PRPS2: variants seen among roughly 807,000 people sequenced by gnomAD.
PRPS2 encodes ribose-phosphate pyrophosphokinase 2.
For missense variants in PRPS2, 104 were observed against 271.5 expected (o/e 0.38, Z 4.34); for synonymous variants, 111 against 115.3 (o/e 0.96, Z 0.24).
chrX:12,802,944 A>G (rs1215682880), intron 2 of PRPS2, among the ~76,000 whole-genome samples: 1 of 112,144 alleles, frequency 8.9e-6, no homozygotes. Context: ...CAGTGTGTGT[A>G]GTGGCTTAGG....
At chrX:12,800,965 A>G (rs898186168) in intron 2 of PRPS2, among the ~76,000 whole-genome samples, 4 of 112,429 alleles carry the variant, frequency 3.6e-5, no homozygotes, top group Admixed American at 9.4e-5. Flanking sequence ...AGCAATAGAC[A>G]ATATGTAAAT....
chrX:12,809,080 A>G (rs1300856336), intron 2 of PRPS2, among the ~76,000 whole-genome samples, 154 bp from the exon 3 acceptor site: 3 of 112,639 alleles, frequency 2.7e-5, no homozygotes, highest in African/African-American at 9.7e-5. Context: ...ATAAGATGGA[A>G]TGAATATATC....
chrX:12,820,876 T>TTG (rs910408458), intron 6 of PRPS2, 73 bp downstream of exon 6: 3 of 1,092,901 alleles, frequency 2.7e-6, no homozygotes, highest in East Asian at 3.1e-5. Context: ...GCATCATGTC[T>TTG]TGTGTGTGTG....
At chrX:12,809,359 G>A (rs2042611139) in intron 3 of PRPS2, 27 bp downstream of exon 3, 2 of 1,148,829 alleles carry the variant, frequency 1.7e-6, no homozygotes, top group South Asian at 3.7e-5. Flanking sequence ...TCTGCAAATG[G>A]TTAAATCAAG....
intron 2 of PRPS2, among the ~76,000 whole-genome samples, chrX:12,801,592 C>G (rs773909620): frequency 8.9e-6 from 1 of 111,866 alleles, no homozygotes; most frequent in South Asian, 3.7e-4. Context: ...CACATTGTAG[C>G]TGGTTTTTTG....
intron 2 of PRPS2, among the ~76,000 whole-genome samples, chrX:12,807,102 A>G (rs781387526): frequency 2.5e-4 from 2 of 7,904 alleles, no homozygotes; most frequent in African/African-American, 2.7e-3. Context: ...GGAGGGGGGA[A>G]AAAAAGGACA....
At chrX:12,811,853 G>A (rs1345599534) in intron 4 of PRPS2, among the ~76,000 whole-genome samples, 1 of 112,384 alleles carries the variant, frequency 8.9e-6, no homozygotes, top group East Asian at 2.8e-4. Context: ...TCCAACGGCT[G>A]CTGGGGTTCC....
At chrX:12,817,710 G>A (rs1174297326) in intron 4 of PRPS2, among the ~76,000 whole-genome samples, 1 of 111,906 alleles carries the variant, frequency 8.9e-6, no homozygotes, top group East Asian at 2.8e-4. Flanking sequence ...CCAATGGAAT[G>A]TTATTCAGAC....
intron 1 of PRPS2, among the ~76,000 whole-genome samples, chrX:12,797,496 G>A (rs1259087237): frequency 8.9e-6 from 1 of 111,856 alleles, no homozygotes; most frequent in African/African-American, 3.3e-5. Flanking sequence ...CATTGTCCTC[G>A]AGGTGTGTAC....
At chrX:12,819,407 CA>C in intron 4 of PRPS2, 99 bp from the exon 5 acceptor site, 1 of 963,867 alleles carries the variant, frequency 1.0e-6, no homozygotes, top group Non-Finnish European at 1.4e-6. Context: ...ATTCTTGCAT[CA>C]TCTCTCGGGT....
At chrX:12,818,866 AT>A (rs200266981) in intron 4 of PRPS2, among the ~76,000 whole-genome samples, 2,370 of 105,929 alleles carry the variant, frequency 0.022, 29 homozygotes, top group African/African-American at 0.043. Flanking sequence ...TGAGCTAGTG[AT>A]TTTTTTTTTT....
chrX:12,794,588 C>T (rs775613215), intron 1 of PRPS2, among the ~76,000 whole-genome samples: 4 of 112,100 alleles, frequency 3.6e-5, no homozygotes, highest in African/African-American at 1.3e-4. Flanking sequence ...GAGTCAGTGA[C>T]GCTCTTCAGC....
chrX:12,803,785 TAAAG>T (rs1569095128), intron 2 of PRPS2, among the ~76,000 whole-genome samples: 2 of 112,369 alleles, frequency 1.8e-5, no homozygotes, highest in Non-Finnish European at 3.8e-5. Flanking sequence ...CAGGAGGCCT[TAAAG>T]GAAGTCACTG....
At chrX:12,812,135 C>T (rs1056587910) in intron 4 of PRPS2, among the ~76,000 whole-genome samples, 1 of 111,772 alleles carries the variant, frequency 8.9e-6, no homozygotes, top group African/African-American at 3.3e-5. Flanking sequence ...TTGTGAGCAA[C>T]ATTTTGGAGT....
rs2042685946 is a variant in PRPS2 at position 12,823,401 on chromosome X, A to AAT, written c.*608_*609dup. 9.9e-6 allele frequency: 1 copy of AAT among 101,389 alleles called. No individual in the cohort carries two copies. Among genetic ancestry groups the AAT allele is most frequent in the East Asian group, 3.0e-4 (1 of 3,325 alleles). The allele number at this position is 101,389 out of a possible 1,213,427, so 8.4% of individuals were successfully genotyped here. A position where few individuals can be genotyped will look rare whatever the true frequency, so the allele number is the denominator to read the frequency against. On this transcript the variant is annotated 3_prime_UTR_variant, in exon 7 of 7. Coordinates refer to ENST00000380668, the MANE Select transcript of PRPS2 (RefSeq NM_002765.5). The stretch of plus-strand genomic sequence containing the variant: ...ATTTGGACCAAATTTTATTTAGCTT[A>AAT]ATATGGACACTGACACATTTTGGGG...
rs751983412 is a variant in PRPS2 at position 12,791,471 on chromosome X, G to A, written c.-27G>A. The A allele has an allele frequency of 1.7e-6, 2 of 1,194,309 alleles. No individual in the cohort carries two copies. The highest frequency in any genetic ancestry group is 1.1e-6 in the Non-Finnish European group (1 of 886,854). ...CCTCCGCCACCTCCTCCGCCGCCGC[G>A]CGCCCCTCGGAGTTCCGCGCCCCAC... On this transcript the variant is annotated 5_prime_UTR_variant, in exon 1 of 7. Coordinates refer to ENST00000380668, the MANE Select transcript of PRPS2 (RefSeq NM_002765.5).
At chrX:12,812,923 T>TA (rs1266377337) in intron 4 of PRPS2, among the ~76,000 whole-genome samples, 1 of 111,895 alleles carries the variant, frequency 8.9e-6, no homozygotes, top group East Asian at 2.8e-4. Flanking sequence ...GTCTGGCAGA[T>TA]ACCTTTGTAA....
intron 4 of PRPS2, among the ~76,000 whole-genome samples, chrX:12,816,447 C>T (rs923850152): frequency 9.1e-6 from 1 of 110,434 alleles, no homozygotes; most frequent in Non-Finnish European, 1.9e-5. Flanking sequence ...GAACTAAAGG[C>T]GCATGCCACC....
chrX:12,792,400 A>G (rs768181510), intron 1 of PRPS2, among the ~76,000 whole-genome samples: 4 of 112,055 alleles, frequency 3.6e-5, no homozygotes, highest in African/African-American at 6.5e-5. Flanking sequence ...TTCTTGTTCT[A>G]GGACTCTGCT....
Sources: gnomAD v4.1 joint callset for allele counts (sites outside exome capture counted in the v4.1 genomes callset) on GRCh38, gnomAD v4.1.1 for gene constraint, MANE v1.5 for transcripts, NCBI Gene and HGNC (gene_info 2026-07-23, HGNC 2026-07-21) for gene names.